The following FER1L6 variants were observed in gnomAD, a reference collection of about 807,000 sequenced individuals.
FER1L6 encodes fer-1-like protein 6.
In FER1L6, 177 loss-of-function variants were observed where a neutral mutation model predicts 219.2. That is an observed-to-expected ratio of 0.81 (90% CI 0.71 to 0.91). The LOEUF (loss-of-function observed/expected upper bound fraction) is 0.91. Among genes scored for constraint, FER1L6 ranks in the 40% least tolerant of loss-of-function variants. FER1L6 has a pLI of 0.00. For synonymous variants in FER1L6, 768 were observed against 824.3 expected (o/e 0.93, Z 1.17); for missense variants, 2,153 against 2,259.9 (o/e 0.95, Z 0.96).
chr8:124,088,255 TA>T (rs1275938909), intron 33 of FER1L6, among the ~76,000 whole-genome samples: 1 of 152,052 alleles, frequency 6.6e-6, no homozygotes, highest in African/African-American at 2.4e-5. Flanking sequence ...AACCACAAGA[TA>T]AAGTCCTTCC....
At chr8:123,943,988 C>CGAGG (rs1230876241) in intron 1 of FER1L6, among the ~76,000 whole-genome samples, 2 of 152,016 alleles carry the variant, frequency 1.3e-5, no homozygotes, top group African/African-American at 4.8e-5. Context: ...TAGGAGGTAA[C>CGAGG]ATAGAGTAGA....
intron 1 of FER1L6, among the ~76,000 whole-genome samples, chr8:123,953,819 G>A (rs953540973): frequency 1.3e-5 from 2 of 152,222 alleles, no homozygotes; most frequent in African/African-American, 4.8e-5. Flanking sequence ...GGCACCTGGG[G>A]ACCATAAATG....
intron 39 of FER1L6, among the ~76,000 whole-genome samples, chr8:124,116,139 GAC>G: frequency 6.6e-6 from 1 of 152,170 alleles, no homozygotes; most frequent in Non-Finnish European, 1.5e-5. Flanking sequence ...GGCATCAAAG[GAC>G]CTTGGTGCAA....
In FER1L6 at chr8:124,066,570, T is replaced by C. The variant is rs530164038; in HGVS notation, c.3678+20T>C. ...CAGAAGGTAGAGTCTCCCCTACCTG[T>C]GGCAGTTAAGAGATTCAATAAGGAA... On this transcript the variant is annotated intron_variant, in intron 27 of 40. Coordinates refer to ENST00000522917, the MANE Select transcript of FER1L6 (RefSeq NM_001039112.2). 6 of 1,609,928 alleles carry C rather than the reference T, an allele frequency of 3.7e-6. No homozygotes were observed. In the African/African-American group the frequency reaches 5.3e-5, roughly 14 times the overall value.
At chr8:124,052,678 C>T (rs560546927) in intron 22 of FER1L6, among the ~76,000 whole-genome samples, 36 of 152,022 alleles carry the variant, frequency 2.4e-4, no homozygotes, top group African/African-American at 3.1e-4. Flanking sequence ...CCAGCTACTC[C>T]GGAGGCTGAG....
At chr8:123,889,599 G>T (rs928191597) in intron 1 of FER1L6, among the ~76,000 whole-genome samples, 5 of 151,970 alleles carry the variant, frequency 3.3e-5, no homozygotes, top group African/African-American at 4.8e-5. Context: ...ATAAGTATTA[G>T]ATACATACAC....
At chr8:123,960,614 A>C (rs932416637) in intron 2 of FER1L6, among the ~76,000 whole-genome samples, 2 of 152,104 alleles carry the variant, frequency 1.3e-5, no homozygotes, top group Admixed American at 1.3e-4. Context: ...AATCAGTATC[A>C]CTGGGCCAAA....
intron 12 of FER1L6, among the ~76,000 whole-genome samples, chr8:124,000,828 G>A (rs963195586): frequency 7.2e-5 from 11 of 152,164 alleles, no homozygotes; most frequent in South Asian, 4.1e-4. Flanking sequence ...CTTTTAAGCC[G>A]TACAGCTGGA....
intron 1 of FER1L6, among the ~76,000 whole-genome samples, chr8:123,949,689 A>G (rs1201992261): frequency 6.6e-6 from 1 of 152,130 alleles, no homozygotes; most frequent in African/African-American, 2.4e-5. Context: ...CTCAGTGGTT[A>G]CTTCCACTTG....
At position 124,071,544 on chromosome 8, in the gene FER1L6, C is replaced by T. The variant is rs1421340282; in HGVS notation, c.4005C>T (p.Ser1335=). The change falls in exon 31 of 41, where the codon AGC becomes AGT. Residue 1335 remains serine, a synonymous_variant. Transcript: ENST00000522917. ...FCIYKSPQDS[S]SEDSGQLRIQ... ...TCTACAAAAGCCCCCAGGATTCTAG[C>T]TCTGAGGACAGCGGGCAGCTGAGAA... The T allele has an allele frequency of 6.2e-7, 1 of 1,614,130 alleles. No homozygotes were observed. Among genetic ancestry groups the T allele is most frequent in the Non-Finnish European group, 8.5e-7 (1 of 1,179,980 alleles).
At chr8:123,860,724 A>G (rs1369292473) in intron 1 of FER1L6, among the ~76,000 whole-genome samples, 1 of 91,282 alleles carries the variant, frequency 1.1e-5, no homozygotes, top group African/African-American at 4.9e-5. Flanking sequence ...CATTTCTCTG[A>G]TGGCCAGTGA....
intron 12 of FER1L6, among the ~76,000 whole-genome samples, chr8:123,992,775 C>A (rs1222375392): frequency 6.6e-6 from 1 of 151,554 alleles, no homozygotes; most frequent in East Asian, 1.9e-4. Flanking sequence ...TCCTATTTTT[C>A]TACTTCCTTG....
chr8:123,908,812 A>G (rs568621684), intron 1 of FER1L6, among the ~76,000 whole-genome samples: 15 of 152,360 alleles, frequency 9.8e-5, no homozygotes, highest in African/African-American at 3.1e-4. Flanking sequence ...TATAGACTCT[A>G]TGGAGGAGTG....
At chr8:123,929,230 C>T (rs1404119806) in intron 1 of FER1L6, among the ~76,000 whole-genome samples, 1 of 152,194 alleles carries the variant, frequency 6.6e-6, no homozygotes, top group Non-Finnish European at 1.5e-5. Flanking sequence ...GGCTACTCTG[C>T]CCCATGCACA....
At chr8:123,939,953 T>C (rs1408474773) in intron 1 of FER1L6, among the ~76,000 whole-genome samples, 1 of 152,104 alleles carries the variant, frequency 6.6e-6, no homozygotes, top group African/African-American at 2.4e-5. Flanking sequence ...ATTCCAGAAA[T>C]AGGATTATTA....
At chr8:124,006,129 G>A (rs1402224093) in intron 13 of FER1L6, among the ~76,000 whole-genome samples, 1 of 152,192 alleles carries the variant, frequency 6.6e-6, no homozygotes, top group East Asian at 1.9e-4. Context: ...CTGCAGTTCT[G>A]GGGGACTGTT....
chr8:123,932,636 T>G (rs1431844503), intron 1 of FER1L6, among the ~76,000 whole-genome samples: 7 of 152,168 alleles, frequency 4.6e-5, no homozygotes, highest in Admixed American at 4.6e-4. Flanking sequence ...GGGGGAGGAC[T>G]GGGCAAAAGA....
intron 33 of FER1L6, among the ~76,000 whole-genome samples, 188 bp downstream of exon 33, chr8:124,082,646 C>T (rs1386023811): frequency 1.3e-5 from 2 of 152,104 alleles, no homozygotes; most frequent in African/African-American, 2.4e-5. Context: ...TGAGAGTCAT[C>T]GTGACTGGGG....
intron 14 of FER1L6, 67 bp downstream of exon 14, chr8:124,010,781 T>C: frequency 1.3e-6 from 2 of 1,590,698 alleles, no homozygotes; most frequent in Admixed American, 3.5e-5. Context: ...ATTTTTAAAA[T>C]CCACCTAGTA....
Sources: allele counts gnomAD v4.1 joint callset (sites outside exome capture counted in the v4.1 genomes callset), GRCh38; gene constraint gnomAD v4.1.1; transcripts MANE v1.5; gene names NCBI Gene and HGNC (gene_info 2026-07-23, HGNC 2026-07-21).